WDR49: variants seen among roughly 807,000 people sequenced by gnomAD.
The protein encoded by WDR49 is cilia- and flagella-associated protein 337.
WDR49 carries 107 observed loss-of-function variants against 119.5 expected under a neutral mutation model. The ratio of observed to expected loss-of-function variants is 0.90; its 90% CI spans 0.77 to 1.05. The LOEUF (loss-of-function observed/expected upper bound fraction) is 1.05, where lower values mean the gene tolerates loss of function less well. WDR49 is among the 50% of genes least tolerant of loss of function. The pLI is 0.00. For synonymous variants in WDR49, 425 were observed against 418.8 expected, an observed-to-expected ratio of 1.01 and a Z score of -0.18; for missense variants, 1,240 against 1,220.5, an observed-to-expected ratio of 1.02 and a Z score of -0.24.
At chr3:167,623,701 A>G (rs1163141940) in intron 3 of WDR49, among the ~76,000 whole-genome samples, 1 of 152,020 alleles carries the variant, frequency 6.6e-6, no homozygotes. Context: ...TTCTAACCAG[A>G]TAAATTAAGC....
intron 4 of WDR49, 114 bp from the exon 5 acceptor site, chr3:167,620,717 A>C: frequency 1.9e-6 from 2 of 1,052,074 alleles, no homozygotes; most frequent in African/African-American, 3.2e-5. Flanking sequence ...GAATTTCTTC[A>C]ATATTATTTA....
At chr3:167,595,052 C>T (rs1457161332) in intron 7 of WDR49, among the ~76,000 whole-genome samples, 1 of 149,468 alleles carries the variant, frequency 6.7e-6, no homozygotes, top group Non-Finnish European at 1.5e-5. Flanking sequence ...ACAAAAATCA[C>T]AAGCATTCTT....
intron 3 of WDR49, among the ~76,000 whole-genome samples, chr3:167,625,235 C>A (rs1206494894): frequency 6.6e-6 from 1 of 151,930 alleles, no homozygotes; most frequent in South Asian, 2.1e-4. Flanking sequence ...TACCACGAAA[C>A]AAAGAAGCTT....
At chr3:167,652,829 A>G (rs114440014) in intron 2 of WDR49, among the ~76,000 whole-genome samples, 1,645 of 152,262 alleles carry the variant, frequency 0.011, 18 homozygotes, top group Non-Finnish European at 0.017. Flanking sequence ...AGACAGGAGG[A>G]AATTTTTTGC....
At chr3:167,550,343 A>G (rs984496569) in intron 10 of WDR49, among the ~76,000 whole-genome samples, 1 of 152,100 alleles carries the variant, frequency 6.6e-6, no homozygotes, top group Non-Finnish European at 1.5e-5. Flanking sequence ...ATGTTCTTCC[A>G]TTTGTTTGTG....
intron 2 of WDR49, among the ~76,000 whole-genome samples, chr3:167,646,375 G>A (rs1718130061): frequency 1.3e-5 from 2 of 152,298 alleles, no homozygotes; most frequent in South Asian, 4.1e-4. Flanking sequence ...TGGCCTCTGG[G>A]TTCTAAGACA....
intron 7 of WDR49, among the ~76,000 whole-genome samples, chr3:167,596,392 A>G (rs1715444636): frequency 6.6e-6 from 1 of 151,220 alleles, no homozygotes; most frequent in Non-Finnish European, 1.5e-5. Context: ...AGGACTATAA[A>G]TCATGCTGCT....
chr3:167,653,388 C>T lies in WDR49; in HGVS notation c.38G>A (p.Gly13Glu). 6.5e-7 allele frequency: 1 copy of T among 1,534,284 alleles called. No individual in the cohort carries two copies. The highest frequency in any genetic ancestry group is 1.4e-5 in the African/African-American group (1 of 73,030). ...AGGACTCTTTGGCCCAAGCTGTGAC[C>T]CTATGTTTAACTCAAGTACAGCTTT... The part of the protein sequence containing the change: ...CQKAVLELNI[G>E]SQLGPKSPER... The change falls in exon 2 of 19, where the codon GGG becomes GAG. Residue 13 changes from glycine to glutamate, a missense_variant. Gly to Glu is a moderately conservative substitution (Grantham distance 98). Coordinates refer to ENST00000682715, the MANE Select transcript of WDR49 (RefSeq NM_001366157.1).
chr3:167,627,855 T>C (rs1717202692), intron 2 of WDR49, among the ~76,000 whole-genome samples: 1 of 152,118 alleles, frequency 6.6e-6, no homozygotes, highest in South Asian at 2.1e-4. Flanking sequence ...TTTGCCGATA[T>C]TGTGATTTTT....
chr3:167,516,962 A>T (rs1752235391), intron 16 of WDR49, among the ~76,000 whole-genome samples: 1 of 152,178 alleles, frequency 6.6e-6, no homozygotes, highest in Non-Finnish European at 1.5e-5. Context: ...AGACACATGA[A>T]AAAATGCTCA....
At chr3:167,592,586 C>T (rs1715195934) in intron 7 of WDR49, among the ~76,000 whole-genome samples, 1 of 151,964 alleles carries the variant, frequency 6.6e-6, no homozygotes, top group Admixed American at 6.6e-5. Context: ...AGGTGCACAC[C>T]ACCACGCCCA....
intron 7 of WDR49, among the ~76,000 whole-genome samples, chr3:167,588,714 A>G (rs1714951797): frequency 6.6e-6 from 1 of 152,068 alleles, no homozygotes; most frequent in Non-Finnish European, 1.5e-5. Flanking sequence ...ACCTTTTCAT[A>G]TGCCTGTTTG....
At chr3:167,565,495 A>G (rs1030300842) in intron 8 of WDR49, among the ~76,000 whole-genome samples, 2 of 152,030 alleles carry the variant, frequency 1.3e-5, no homozygotes, top group Non-Finnish European at 2.9e-5. Flanking sequence ...AACAAAGGTT[A>G]TGGAGGAAAA....
At chr3:167,515,754 A>T (rs1752173570) in intron 16 of WDR49, among the ~76,000 whole-genome samples, 2 of 152,222 alleles carry the variant, frequency 1.3e-5, no homozygotes, top group African/African-American at 4.8e-5. Context: ...GACTCAGCCC[A>T]AAAGCTTCTT....
At chr3:167,549,701 G>T (rs987440116) in intron 10 of WDR49, among the ~76,000 whole-genome samples, 13 of 152,048 alleles carry the variant, frequency 8.5e-5, no homozygotes, top group Admixed American at 3.9e-4. Flanking sequence ...AGTTTAATTA[G>T]ATCCCATTTG....
intron 2 of WDR49, among the ~76,000 whole-genome samples, chr3:167,634,125 A>T (rs915643962): frequency 6.6e-6 from 1 of 151,964 alleles, no homozygotes; most frequent in Non-Finnish European, 1.5e-5. Flanking sequence ...ACTTTCAAAT[A>T]AAAACTGCTT....
At chr3:167,612,908 GTAGTGGGGGCC>G (rs977227182) in intron 5 of WDR49, among the ~76,000 whole-genome samples, 11 of 152,326 alleles carry the variant, frequency 7.2e-5, no homozygotes, top group African/African-American at 2.6e-4. Context: ...GCTGGGAATG[GTAGTGGGGGCC>G]TAGCAGGGAG....
chr3:167,618,220 G>T (rs1001218907), intron 5 of WDR49, among the ~76,000 whole-genome samples: 2 of 152,118 alleles, frequency 1.3e-5, no homozygotes, highest in Non-Finnish European at 2.9e-5. Context: ...TACTCTAGGA[G>T]TCAAAATCTT....
At chr3:167,617,921 C>G (rs917691316) in intron 5 of WDR49, among the ~76,000 whole-genome samples, 1 of 150,846 alleles carries the variant, frequency 6.6e-6, no homozygotes, top group African/African-American at 2.5e-5. Flanking sequence ...ACCAAGTAAA[C>G]TTTTCCTAAA....
Sources: allele counts gnomAD v4.1 joint callset (sites outside exome capture counted in the v4.1 genomes callset), GRCh38; gene constraint gnomAD v4.1.1; transcripts MANE v1.5; gene names NCBI Gene and HGNC (gene_info 2026-07-23, HGNC 2026-07-21).